The following PTPRF variants were observed in gnomAD, a reference collection of about 807,000 sequenced individuals.
PTPRF encodes the protein receptor-type tyrosine-protein phosphatase F.
Under a neutral mutation model 201.8 loss-of-function variants are expected in PTPRF, and 59 were observed. The observed-to-expected ratio is 0.29, with a 90% CI of 0.24 to 0.36. The LOEUF (loss-of-function observed/expected upper bound fraction) is 0.36. Ranked by LOEUF, PTPRF falls within the 10% of genes least tolerant of loss-of-function variation. The pLI is 1.00. For synonymous variants in PTPRF, 1,088 were observed against 1,089.7 expected (o/e 1.00, Z 0.03); for missense variants, 2,132 against 2,690.5 (o/e 0.79, Z 4.59).
At chr1:43,557,498 G>A (rs905716582) in intron 5 of PTPRF, among the ~76,000 whole-genome samples, 3 of 152,200 alleles carry the variant, frequency 2.0e-5, no homozygotes, top group Non-Finnish European at 4.4e-5. Flanking sequence ...ACTGGGCGTG[G>A]TGGCGCACGC....
intron 21 of PTPRF, among the ~76,000 whole-genome samples, chr1:43,608,621 C>G (rs1214108072): frequency 1.3e-5 from 2 of 152,176 alleles, no homozygotes; most frequent in Non-Finnish European, 2.9e-5. Context: ...CAGAGCTCAC[C>G]AGAACCATCA....
At chr1:43,524,050 C>CAAAAAAAAAAAAA (rs57088994), upstream of PTPRF, among the ~76,000 whole-genome samples, 1 of 80,668 alleles carries the variant, frequency 1.2e-5, no homozygotes, top group Non-Finnish European at 2.2e-5. Context: ...GAGACTCTGT[C>CAAAAAAAAAAAAA]AAAAAAAAAA....
intron 6 of PTPRF, among the ~76,000 whole-genome samples, chr1:43,570,821 A>G (rs1020930832): frequency 6.6e-6 from 1 of 152,248 alleles, no homozygotes; most frequent in Non-Finnish European, 1.5e-5. Flanking sequence ...TTAAAACTCA[A>G]CAAGATGGAG....
In PTPRF at chr1:43,621,007, C is replaced by T. The variant is rs769883289; in HGVS notation, c.5519+15C>T. The T allele has an allele frequency of 1.2e-6, 2 of 1,611,260 alleles. No homozygotes were observed. The highest frequency in any genetic ancestry group is 2.7e-5 in the African/African-American group (2 of 74,922). Reference sequence around the variant, plus strand: ...GTGCACTGCAGGTGGGACTGGCCCCCTGGAGGGCTGGGGTGGGTGGGCCTG... The same window carrying T: ...GTGCACTGCAGGTGGGACTGGCCCCTTGGAGGGCTGGGGTGGGTGGGCCTG... On this transcript the variant is annotated intron_variant, in intron 32 of 33. Coordinates refer to ENST00000359947, the MANE Select transcript of PTPRF (RefSeq NM_002840.5).
intron 2 of PTPRF, 138 bp from the exon 3 acceptor site, chr1:43,544,893 C>T: frequency 1.7e-6 from 1 of 582,208 alleles, no homozygotes; most frequent in Non-Finnish European, 3.0e-6. Flanking sequence ...GGTCATTGCA[C>T]AGCCCAAGTG....
chr1:43,581,627 G>A (rs1043461440), intron 7 of PTPRF, among the ~76,000 whole-genome samples: 25 of 152,216 alleles, frequency 1.6e-4, no homozygotes, highest in Admixed American at 5.9e-4. Flanking sequence ...AGTACTAGGG[G>A]CCCTTCAGCC....
intron 7 of PTPRF, among the ~76,000 whole-genome samples, chr1:43,580,605 C>T (rs569742880): frequency 7.2e-5 from 11 of 152,208 alleles, no homozygotes; most frequent in African/African-American, 2.2e-4. Flanking sequence ...GAGTTGTAAG[C>T]GGCACAGCCT....
intron 5 of PTPRF, among the ~76,000 whole-genome samples, chr1:43,569,219 G>GCCCCCCCCCCCCCCCCCCCCCCCCC (rs11313129): frequency 2.2e-5 from 3 of 137,846 alleles, no homozygotes; most frequent in Admixed American, 7.1e-5. Flanking sequence ...CTCCCTGCTA[G>GCCCCCCCCCCCCCCCCCCCCCCCCC]CCCCCCCCCC....
At chr1:43,583,061 A>G (rs964917795) in intron 7 of PTPRF, 4 of 985,106 alleles carry the variant, frequency 4.1e-6, no homozygotes, top group Admixed American at 6.2e-5. Context: ...TCTGCCATCA[A>G]CCCAAACTCT....
At chr1:43,602,762 G>T (rs1654076664) in intron 14 of PTPRF, among the ~76,000 whole-genome samples, 2 of 152,212 alleles carry the variant, frequency 1.3e-5, no homozygotes, top group East Asian at 1.9e-4. Context: ...GGAGGACATT[G>T]CCCTGGCTGC....
intron 7 of PTPRF, among the ~76,000 whole-genome samples, chr1:43,580,962 T>C (rs1228198183): frequency 1.3e-5 from 2 of 152,258 alleles, no homozygotes; most frequent in Non-Finnish European, 2.9e-5. Flanking sequence ...CAGAGGTGGA[T>C]GGACCCCCGC....
intron 1 of PTPRF, among the ~76,000 whole-genome samples, chr1:43,533,542 C>T (rs967507808): frequency 1.3e-5 from 2 of 152,134 alleles, no homozygotes; most frequent in African/African-American, 2.4e-5. Flanking sequence ...ATACACACCA[C>T]GGCTCCTCCA....
At chr1:43,606,123 C>CT (rs1655033715) in intron 19 of PTPRF, 117 bp from the exon 20 acceptor site, 2 of 1,171,184 alleles carry the variant, frequency 1.7e-6, no homozygotes, top group Admixed American at 2.6e-5. Context: ...GGTGTGGGCT[C>CT]TGACACGGAA....
intron 22 of PTPRF, chr1:43,613,161 A>G: frequency 1.3e-5 from 3 of 225,992 alleles, no homozygotes; most frequent in South Asian, 1.0e-4. Context: ...GTACTTCATG[A>G]CCACTCCATC....
At chr1:43,604,787 T>C in intron 16 of PTPRF, 116 bp from the exon 17 acceptor site, 4 of 878,798 alleles carry the variant, frequency 4.6e-6, no homozygotes, top group Non-Finnish European at 7.4e-6. Flanking sequence ...GCAGCCATCC[T>C]TCAACCCCCT....
intron 7 of PTPRF, among the ~76,000 whole-genome samples, chr1:43,585,667 C>T (rs890055996): frequency 2.0e-5 from 3 of 152,180 alleles, no homozygotes; most frequent in Admixed American, 2.0e-4. Flanking sequence ...CTTTAGAAGA[C>T]GTGGCTCAGG....
chr1:43,567,794 A>G (rs1646285938), intron 5 of PTPRF, among the ~76,000 whole-genome samples: 1 of 152,178 alleles, frequency 6.6e-6, no homozygotes, highest in African/African-American at 2.4e-5. Context: ...TCTGGCATAG[A>G]AGCCTGACTT....
chr1:43,569,183 G>A (rs1410086250), intron 5 of PTPRF, among the ~76,000 whole-genome samples: 1 of 152,060 alleles, frequency 6.6e-6, no homozygotes, highest in Non-Finnish European at 1.5e-5. Flanking sequence ...TTCAGGCTGA[G>A]CTGTGGCTGT....
chr1:43,605,541 T>G lies in PTPRF; in HGVS notation c.3402T>G (p.Ile1134Met). ...QDPSLVRWFY[I>M]VVVPIDRVGG... ...CCTGCCCACCCAGGTGGTTCTACAT[T>G]GTTGTGGTGCCCATTGACCGTGTGG... The change falls in exon 19 of 34, where the codon ATT (isoleucine) becomes ATG (methionine). Residue 1134 changes from isoleucine (I) to methionine (M), a missense_variant. Coordinates refer to ENST00000359947, the MANE Select transcript of PTPRF (RefSeq NM_002840.5). The G allele has an allele frequency of 6.2e-7, 1 of 1,614,074 alleles. No homozygotes were observed.
Sources: allele counts gnomAD v4.1 joint callset (sites outside exome capture counted in the v4.1 genomes callset), GRCh38; gene constraint gnomAD v4.1.1; transcripts MANE v1.5; gene names NCBI Gene and HGNC (gene_info 2026-07-23, HGNC 2026-07-21).